The following STXBP4 variants were observed in gnomAD, a reference collection of about 807,000 sequenced individuals.
STXBP4 encodes syntaxin binding protein 4.
Under a neutral mutation model 76.1 loss-of-function variants are expected in STXBP4, and 55 were observed. That is an observed-to-expected ratio of 0.72 (90% CI 0.58 to 0.91). The LOEUF is 0.91. Among genes scored for constraint, STXBP4 ranks in the 40% least tolerant of loss-of-function variants. The pLI is 0.00. For synonymous variants in STXBP4, 201 were observed against 220.2 expected (o/e 0.91, Z 0.77); for missense variants, 618 against 636.9 (o/e 0.97, Z 0.32).
At chr17:55,003,668 C>A (rs1449678946) in intron 7 of STXBP4, among the ~76,000 whole-genome samples, 1 of 152,066 alleles carries the variant, frequency 6.6e-6, no homozygotes, top group African/African-American at 2.4e-5. Flanking sequence ...AGTTCTATTT[C>A]TGTTCTTATC....
intron 16 of STXBP4, among the ~76,000 whole-genome samples, chr17:55,113,989 T>C (rs1057287744): frequency 6.6e-6 from 1 of 152,086 alleles, no homozygotes; most frequent in African/African-American, 2.4e-5. Context: ...TCCTCACCTA[T>C]GAAATAGAAG....
At chr17:54,998,296 TTTAACC>T (rs1305053684) in intron 4 of STXBP4, among the ~76,000 whole-genome samples, 1 of 152,222 alleles carries the variant, frequency 6.6e-6, no homozygotes, top group African/African-American at 2.4e-5. Flanking sequence ...AATCTCCCTT[TTTAACC>T]ATATAAGCTT....
At chr17:55,204,339 T>A in the STXBP4 span, among the ~76,000 whole-genome samples, 1 of 152,158 alleles carries the variant, frequency 6.6e-6, no homozygotes, top group Non-Finnish European at 1.5e-5. Flanking sequence ...ATTTCTTGAA[T>A]GTATTAATTA....
In STXBP4 at chr17:55,167,633, G is replaced by A. The variant is rs531846469; in HGVS notation, c.*7722G>A. On this transcript the variant is annotated 3_prime_UTR_variant, in exon 18 of 18. Transcript: ENST00000376352. The stretch of plus-strand genomic sequence containing the variant: ...ATTTTGGTATAGAAGGGTAGATAAA[G>A]CCTGAAACCAAAATACAAGGTTAGT... 2.6e-5 allele frequency: 4 copies of A among 152,326 alleles called. No homozygotes were observed. Among genetic ancestry groups the A allele is most frequent in the African/African-American group, 9.6e-5 (4 of 41,566 alleles). The allele number at this position is 152,326 out of a possible 1,614,324, so 9.4% of individuals were successfully genotyped here.
At chr17:55,048,870 G>T (rs1598264422) in intron 12 of STXBP4, among the ~76,000 whole-genome samples, 1 of 151,958 alleles carries the variant, frequency 6.6e-6, no homozygotes, top group Admixed American at 6.6e-5. Flanking sequence ...TATAATCCAA[G>T]AAAACTTTCT....
Position 55,173,326 on chromosome 17 carries a change from C to T in STXBP4, c.*13415C>T, listed in dbSNP as rs1305230997. ...GTGCTCTCCTGCTATGCTTTTATAA[C>T]ACACCCTTCCCCACCCCAACTCCTG... On this transcript the variant is annotated 3_prime_UTR_variant, in exon 18 of 18. Coordinates refer to ENST00000376352, the MANE Select transcript of STXBP4 (RefSeq NM_178509.6). The T allele has an allele frequency of 6.6e-6, 1 of 152,196 alleles. No homozygotes were observed. Among genetic ancestry groups the T allele is most frequent in the African/African-American group, 2.4e-5 (1 of 41,448 alleles). The allele number at this position is 152,196 out of a possible 1,614,324, so 9.4% of individuals were successfully genotyped here. A position where few individuals can be genotyped will look rare whatever the true frequency, so the allele number is the denominator to read the frequency against.
intron 17 of STXBP4, among the ~76,000 whole-genome samples, chr17:55,142,101 C>A (rs569208607): frequency 8.5e-5 from 13 of 152,278 alleles, no homozygotes; most frequent in African/African-American, 2.9e-4. Flanking sequence ...AGTCTTCTGA[C>A]CGCAAGATTC....
chr17:55,186,285 A>C, the STXBP4 span, among the ~76,000 whole-genome samples: 1 of 152,222 alleles, frequency 6.6e-6, no homozygotes, highest in African/African-American at 2.4e-5. Flanking sequence ...AGTGAATGCC[A>C]TAAAAAGAAA....
chr17:54,990,912 A>G lies in STXBP4; in HGVS notation c.135A>G (p.Pro45=), dbSNP rs2077705111. ...GAGGAATTAACCGGAATGAAGGCCC[A>G]TTGGTATATATTCAGGAAATTATTC... is the stretch of plus-strand genomic sequence containing the variant. ...VLGGINRNEG[P]LVYIQEIIPG... is the part of the protein sequence containing the mutation. Residue 45 remains proline, a synonymous_variant, in exon 4 of 18, where the codon CCA becomes CCG. Coordinates refer to ENST00000376352, the MANE Select transcript of STXBP4 (RefSeq NM_178509.6). 2 of 1,603,918 alleles carry G rather than the reference A, an allele frequency of 1.2e-6. No homozygotes were observed. Among genetic ancestry groups the G allele is most frequent in the South Asian group, 1.1e-5 (1 of 89,160 alleles).
At chr17:55,122,538 G>T (rs2079857741) in intron 16 of STXBP4, among the ~76,000 whole-genome samples, 1 of 152,228 alleles carries the variant, frequency 6.6e-6, no homozygotes, top group South Asian at 2.1e-4. Context: ...ACTGGCAAAA[G>T]CAAAAAGTTG....
At chr17:55,200,957 T>C in the STXBP4 span, among the ~76,000 whole-genome samples, 1 of 152,248 alleles carries the variant, frequency 6.6e-6, no homozygotes, top group Non-Finnish European at 1.5e-5. Context: ...ATCCATCTTA[T>C]TAAGGATGGT....
intron 11 of STXBP4, chr17:55,044,336 G>A (rs1040024758): frequency 2.0e-5 from 3 of 151,548 alleles, no homozygotes; most frequent in African/African-American, 7.3e-5. Flanking sequence ...ATAAGGTATA[G>A]TATATTGATA....
In STXBP4 at chr17:55,165,538, T is replaced by A. The variant is rs244295; in HGVS notation, c.*5627T>A. The A allele has an allele frequency of 0.65, 98,415 of 152,142 alleles. 32,841 individuals are homozygous for A. Among genetic ancestry groups the A allele is most frequent in the African/African-American group, 0.81 (33,698 of 41,548 alleles). The allele number at this position is 152,142 out of a possible 1,614,324, so 9.4% of individuals were successfully genotyped here. On this transcript the variant is annotated 3_prime_UTR_variant, in exon 18 of 18. Transcript: ENST00000376352. ...AGCAATAACACCTGCTGGACCTGAATGAGGATCTTTTCCATTCAATCCACA... is the reference window on the plus strand; with the variant it reads ...AGCAATAACACCTGCTGGACCTGAAAGAGGATCTTTTCCATTCAATCCACA...
At chr17:55,052,217 A>G (rs1481912223) in intron 12 of STXBP4, among the ~76,000 whole-genome samples, 1 of 152,156 alleles carries the variant, frequency 6.6e-6, no homozygotes. Flanking sequence ...AAGGGTAAGT[A>G]AAATATAAGC....
chr17:55,011,633 C>T (rs1052963120), intron 8 of STXBP4, among the ~76,000 whole-genome samples: 18 of 149,884 alleles, frequency 1.2e-4, no homozygotes, highest in African/African-American at 1.7e-4. Context: ...TTGTCCTTCC[C>T]GCTGTACTCT....
chr17:54,977,296 A>G (rs1011235734), intron 1 of STXBP4, among the ~76,000 whole-genome samples: 17 of 152,232 alleles, frequency 1.1e-4, no homozygotes, highest in African/African-American at 4.1e-4. Context: ...GGTTCCACAT[A>G]CACAGGTTCA....
intron 8 of STXBP4, among the ~76,000 whole-genome samples, chr17:55,018,564 G>A (rs1352995280): frequency 1.3e-5 from 2 of 152,230 alleles, no homozygotes; most frequent in African/African-American, 2.4e-5. Context: ...GACCACCAAA[G>A]AGGCTTTGTT....
chr17:55,099,659 A>G (rs2079539963), intron 16 of STXBP4, among the ~76,000 whole-genome samples: 1 of 152,216 alleles, frequency 6.6e-6, no homozygotes, highest in African/African-American at 2.4e-5. Flanking sequence ...TTGCATGTAC[A>G]AATAGATCTC....
intron 17 of STXBP4, among the ~76,000 whole-genome samples, chr17:55,154,358 C>T (rs142569184): frequency 2.0e-5 from 3 of 152,310 alleles, no homozygotes; most frequent in Admixed American, 1.3e-4. Flanking sequence ...CAGCTGCCAC[C>T]TGGCAGCAAC....
Sources: allele counts gnomAD v4.1 joint callset (sites outside exome capture counted in the v4.1 genomes callset), GRCh38; gene constraint gnomAD v4.1.1; transcripts MANE v1.5; gene names NCBI Gene and HGNC (gene_info 2026-07-23, HGNC 2026-07-21).